Variants in OSBP2 observed in about 807,000 individuals in gnomAD.
The protein encoded by OSBP2 is oxysterol binding protein 2.
A neutral mutation model predicts 96.0 loss-of-function variants in OSBP2; 66 were observed. That is an observed-to-expected ratio of 0.69 (90% confidence interval 0.56 to 0.84). The LOEUF (loss-of-function observed/expected upper bound fraction) is 0.84. Ranked by LOEUF, OSBP2 falls within the 40% of genes least tolerant of loss-of-function variation. The pLI, the probability that OSBP2 is intolerant of heterozygous loss-of-function variation, is 0.00. For synonymous variants in OSBP2, 525 were observed against 520.9 expected (o/e 1.01, Z -0.11); for missense variants, 1,038 against 1,222.7 (o/e 0.85, Z 2.25).
chr22:30,694,004 G>T (rs1032242816), upstream of OSBP2: 15 of 1,455,670 alleles, frequency 1.0e-5, no homozygotes, highest in Non-Finnish European at 1.4e-5. Flanking sequence ...AAAATTCGCT[G>T]ATGTTTTAAC....
intron 12 of OSBP2, among the ~76,000 whole-genome samples, chr22:30,899,434 C>G (rs753518482): frequency 5.4e-4 from 81 of 151,116 alleles, no homozygotes; most frequent in Non-Finnish European, 9.9e-4. Flanking sequence ...AGAACTGACT[C>G]TAGAAGAAAT....
chr22:30,725,233 A>G (rs2089627120), intron 1 of OSBP2, among the ~76,000 whole-genome samples: 1 of 151,248 alleles, frequency 6.6e-6, no homozygotes, highest in Non-Finnish European at 1.5e-5. Flanking sequence ...GGCTGGGTGC[A>G]GTGGCTCAGG....
rs9609143 is a variant in OSBP2 at position 30,888,591 on chromosome 22, G to A, written c.1418+251G>A. ...AAAAATACAAAAACTAGCCAGGCAT[G>A]GTAGTGCAGGCCTGTAGTCCCAGCT... On this transcript the variant is annotated intron_variant, in intron 5 of 13. Transcript: ENST00000332585. Among the ~76,000 whole-genome samples the A allele has an allele frequency of 7.9e-3, 1,201 of 152,290 alleles. 5 individuals are homozygous for A. The highest frequency in any genetic ancestry group is 0.012 in the Non-Finnish European group (827 of 68,030).
At chr22:30,702,351 C>T (rs149485203) in intron 1 of OSBP2, among the ~76,000 whole-genome samples, 63 of 152,282 alleles carry the variant, frequency 4.1e-4, no homozygotes, top group African/African-American at 1.3e-3. Context: ...TGGTGGCTCA[C>T]GCCTGTAATC....
chr22:30,732,164 C>T lies in OSBP2; in HGVS notation c.645-8997C>T, dbSNP rs549881366. On this transcript the variant is annotated intron_variant, in intron 1 of 13. Coordinates refer to ENST00000332585, the MANE Select transcript of OSBP2 (RefSeq NM_030758.4). ...ACTAAAAATACAAAAATTAGCTGGG[C>T]GTGGTGACGGGTGCCTATAGTCCCA... Among the ~76,000 whole-genome samples, 17 of 152,074 alleles carry T rather than the reference C, an allele frequency of 1.1e-4. No homozygotes were observed. The East Asian group carries it at 2.1e-3, about 19-fold the overall frequency.
chr22:30,886,820 G>T (rs1038852160), intron 3 of OSBP2, among the ~76,000 whole-genome samples: 1 of 152,168 alleles, frequency 6.6e-6, no homozygotes, highest in Non-Finnish European at 1.5e-5. Flanking sequence ...GAATGGAGGT[G>T]GGGGAGCAGA....
chr22:30,779,826 G>C (rs888840274), intron 2 of OSBP2, among the ~76,000 whole-genome samples: 1 of 152,086 alleles, frequency 6.6e-6, no homozygotes, highest in East Asian at 1.9e-4. Flanking sequence ...GAGAACCCTC[G>C]GCCCTTTTGG....
chr22:30,905,824 A>ACCACCACCG lies in OSBP2; in HGVS notation c.2376-8_2376-7insACCGCCACC. On this transcript the variant is annotated splice_polypyrimidine_tract_variant and intron_variant, in intron 12 of 13. Transcript: ENST00000332585. ...CACCGCAGCCACCGCCACCGCCACC[A>ACCACCACCG]CCACCGCCACAGGGAGAACGCGGAG... The ACCACCACCG allele has an allele frequency of 1.9e-6, 3 of 1,603,546 alleles. No individual in the cohort carries two copies. Among genetic ancestry groups the ACCACCACCG allele is most frequent in the Non-Finnish European group, 2.6e-6 (3 of 1,173,078 alleles).
chr22:30,831,100 G>A (rs909106316), intron 2 of OSBP2, among the ~76,000 whole-genome samples: 2 of 152,202 alleles, frequency 1.3e-5, no homozygotes, highest in Non-Finnish European at 2.9e-5. Context: ...ACATTGCCAA[G>A]AATGCAATCG....
intron 2 of OSBP2, among the ~76,000 whole-genome samples, chr22:30,804,403 C>A (rs1248359343): frequency 6.6e-6 from 1 of 152,178 alleles, no homozygotes; most frequent in South Asian, 2.1e-4. Flanking sequence ...CTGTGCGCAT[C>A]AGAAATGACT....
rs751867197 is a variant in OSBP2, at chr22:30,870,667, C to G, written c.1092C>G (p.Ser364=). 8 of 1,613,522 alleles carry G rather than the reference C, an allele frequency of 5.0e-6. No homozygotes were observed. The highest frequency in any genetic ancestry group is 6.8e-6 in the Non-Finnish European group (8 of 1,179,996). Residue 364 remains serine, a synonymous_variant, in exon 3 of 14, where the codon TCC becomes TCG. Transcript: ENST00000332585. The surrounding 1 kb of genome is among the most constrained non-coding windows in gnomAD (Gnocchi z 4.1). ...NERATLFRIT[S]NAMINACRDF... Reference sequence around the variant, plus strand: ...GGGCCACCCTCTTCCGCATCACATCCAATGCTATGATCAACGTGAGTACCC... The same window carrying G: ...GGGCCACCCTCTTCCGCATCACATCGAATGCTATGATCAACGTGAGTACCC...
At chr22:30,713,993 C>T (rs2145690720) in intron 1 of OSBP2, among the ~76,000 whole-genome samples, 1 of 152,260 alleles carries the variant, frequency 6.6e-6, no homozygotes, top group East Asian at 1.9e-4. Flanking sequence ...TGCTGTAGAA[C>T]ACTAGAACTT....
intron 2 of OSBP2, among the ~76,000 whole-genome samples, chr22:30,855,651 T>C (rs1023037783): frequency 2.0e-5 from 3 of 152,284 alleles, no homozygotes; most frequent in African/African-American, 7.2e-5. Context: ...CTTCAAAGCC[T>C]CATGGCCCCC....
At chr22:30,730,814 T>TTTTTTTTTTTTTATTA (rs2089766719) in intron 1 of OSBP2, among the ~76,000 whole-genome samples, 1 of 83,926 alleles carries the variant, frequency 1.2e-5, no homozygotes, top group African/African-American at 5.1e-5. Flanking sequence ...ATATAATTTT[T>TTTTTTTTTTTTTATTA]TTTTTTTTTC....
At chr22:30,864,718 C>A (rs1467031189) in intron 2 of OSBP2, among the ~76,000 whole-genome samples, 2 of 152,104 alleles carry the variant, frequency 1.3e-5, no homozygotes, top group Admixed American at 6.5e-5. Context: ...AGCAGTACGT[C>A]CCCCAAAACT....
rs763847448 is a variant in OSBP2 at position 30,890,808 on chromosome 22, G to A, written c.1704G>A (p.Val568=). The change falls in exon 8 of 14, where the codon GTG becomes GTA. Residue 568 remains valine (V), a synonymous_variant. Coordinates refer to ENST00000332585, the MANE Select transcript of OSBP2 (RefSeq NM_030758.4). This position sits in a 1 kb window ranked among gnomAD's most constrained non-coding sequence, Gnocchi z 4.4. ...LEYHHLLDKA[V]HCTSSVEQMC... ...ACCACCACCTGCTGGACAAGGCAGT[G>A]CACTGCACCAGCTCAGTGGAGCAGA... 7 of 1,613,572 alleles carry A rather than the reference G, an allele frequency of 4.3e-6. No homozygotes were observed. The South Asian group carries it at 7.7e-5, about 18-fold the overall frequency.
At chr22:30,889,689 G>T in intron 7 of OSBP2, 53 bp downstream of exon 7, 1 of 1,571,744 alleles carries the variant, frequency 6.4e-7, no homozygotes. Flanking sequence ...CTGCTTTCCT[G>T]TGCGTGGATG....
At chr22:30,850,662 G>C (rs564592384) in intron 2 of OSBP2, among the ~76,000 whole-genome samples, 5 of 152,134 alleles carry the variant, frequency 3.3e-5, no homozygotes, top group African/African-American at 1.2e-4. Flanking sequence ...ATCATGCCTG[G>C]CTAATTTTGT....
At chr22:30,757,443 A>C (rs1434022352) in intron 2 of OSBP2, among the ~76,000 whole-genome samples, 3 of 150,090 alleles carry the variant, frequency 2.0e-5, no homozygotes, top group Non-Finnish European at 3.0e-5. Flanking sequence ...TTTTTTTGAG[A>C]CAGAGTCTCT....
Sources: gnomAD v4.1 joint callset for allele counts (sites outside exome capture counted in the v4.1 genomes callset) on GRCh38, gnomAD v4.1.1 for gene constraint, Gnocchi (gnomAD v3.1) non-coding constraint, MANE v1.5 for transcripts, NCBI Gene and HGNC (gene_info 2026-07-23, HGNC 2026-07-21) for gene names.